Variants in METTL17 observed in about 807,000 individuals in gnomAD.
METTL17 encodes ribosome assembly protein METTL17, mitochondrial.
A neutral mutation model predicts 59.4 loss-of-function variants in METTL17; 49 were observed. The observed-to-expected ratio is 0.82, with a 90% CI of 0.66 to 1.05. The LOEUF is 1.05. Ranked by LOEUF, METTL17 falls within the 50% of genes least tolerant of loss-of-function variation. METTL17 has a pLI of 0.00. For missense variants in METTL17, 555 were observed against 578.4 expected (o/e 0.96, Z 0.41); for synonymous variants, 208 against 209.2 (o/e 0.99, Z 0.05).
chr14:20,993,767 C>G (rs1017643950), intron 6 of METTL17: 30 of 387,188 alleles, frequency 7.7e-5, no homozygotes, highest in Middle Eastern at 7.3e-4. Flanking sequence ...GCCACTGTGC[C>G]CAGCTGAGTC....
chr14:20,996,878 C>T lies in METTL17; in HGVS notation c.1359C>T (p.Pro453=), dbSNP rs768143495. The T allele has an allele frequency of 2.5e-6, 4 of 1,606,664 alleles. No individual in the cohort carries two copies. In the African/African-American group the frequency reaches 5.3e-5, roughly 21 times the overall value. ...TTCCTCCATCTACGGCTCAGGATCC[C>T]TCTGAGAGTTGATGAGGATGTGTAA... ...SAFPPSTAQD[P]SES The change falls in exon 14 of 14, where the codon CCC becomes CCT. Residue 453 remains proline, a synonymous_variant. Transcript: ENST00000339374.
chr14:20,992,260 A>C (rs1303180362), intron 4 of METTL17, 55 bp downstream of exon 4: 1 of 1,084,716 alleles, frequency 9.2e-7, no homozygotes, highest in Non-Finnish European at 1.4e-6. Flanking sequence ...TTAGAAAGAG[A>C]GTTGGGGGAG....
chr14:20,996,297 G>A lies in METTL17; in HGVS notation c.1080+5G>A. 1 of 1,612,776 alleles carries A rather than the reference G, an allele frequency of 6.2e-7. No individual in the cohort carries two copies. The highest frequency in any genetic ancestry group is 2.2e-5 in the East Asian group (1 of 44,870). ...CATCCCATCCCCTTCAGCTGGGTAGGTACCTGGGGATATTGCAGCAGGAAG... is the reference window on the plus strand; with the variant it reads ...CATCCCATCCCCTTCAGCTGGGTAGATACCTGGGGATATTGCAGCAGGAAG... On this transcript the variant is annotated splice_donor_5th_base_variant and intron_variant, in intron 12 of 13. Transcript: ENST00000339374.
chr14:20,990,116 A>G (rs758004929), intron 1 of METTL17, 39 bp downstream of exon 1: 2 of 1,612,134 alleles, frequency 1.2e-6, no homozygotes, highest in Admixed American at 3.3e-5. Flanking sequence ...GAGACTCTGG[A>G]TCTGCAGAGA....
At position 20,990,279 on chromosome 14, in the gene METTL17, G is replaced by T. The variant is rs371540270; in HGVS notation, c.125G>T (p.Gly42Val). ...GTGACCCAGGTAGATAACAAGTCCGGTTTCCTGCAGAAGAGGCCTCATCGC... is the reference window on the plus strand; with the variant it reads ...GTGACCCAGGTAGATAACAAGTCCGTTTTCCTGCAGAAGAGGCCTCATCGC... ...PGVTQVDNKSGFLQKRPHRQH... is the reference protein window; with the variant it reads ...PGVTQVDNKSVFLQKRPHRQH... Residue 42 changes from glycine to valine, a missense_variant, in exon 2 of 14, where the codon GGT becomes GTT. Coordinates refer to ENST00000339374, the MANE Select transcript of METTL17 (RefSeq NM_022734.3). 87 of 1,614,128 alleles carry T rather than the reference G, an allele frequency of 5.4e-5. No individual in the cohort carries two copies. The South Asian group carries it at 7.0e-4, about 13-fold the overall frequency.
In METTL17 at chr14:20,996,772, T is replaced by G. The variant is rs1314308263; in HGVS notation, c.1266-13T>G. ...CAGGAAGCTGCAGCCCACGCCAGCA[T>G]CTGTTTCCACAGGGATTTGTATCGT... On this transcript the variant is annotated splice_polypyrimidine_tract_variant and intron_variant, in intron 13 of 13. Transcript: ENST00000339374. The G allele has an allele frequency of 6.2e-7, 1 of 1,614,226 alleles. No individual in the cohort carries two copies. The highest frequency in any genetic ancestry group is 8.5e-7 in the Non-Finnish European group (1 of 1,180,042).
Position 20,990,046 on chromosome 14 carries a change from G to A in METTL17, c.44G>A (p.Cys15Tyr). 2 of 1,613,260 alleles carry A rather than the reference G, an allele frequency of 1.2e-6. No homozygotes were observed. Among genetic ancestry groups the A allele is most frequent in the South Asian group, 1.1e-5 (1 of 91,052 alleles). The change falls in exon 1 of 14, where the codon TGC becomes TAC. Residue 15 changes from cysteine (C) to tyrosine (Y), a missense_variant. Coordinates refer to ENST00000339374, the MANE Select transcript of METTL17 (RefSeq NM_022734.3). ...LKCLLTLGRW[C>Y]PGLGVAPQAR... ...TGTCTACTGACATTAGGAAGATGGT[G>A]CCCCGGCCTTGGAGTGGCTCCCCAG... is the stretch of plus-strand genomic sequence containing the variant.
At chr14:20,994,754 G>T (rs758654835) in intron 8 of METTL17, 40 bp from the exon 9 acceptor site, 9 of 1,556,076 alleles carry the variant, frequency 5.8e-6, no homozygotes, top group South Asian at 3.3e-5. Context: ...TTGGGATGTA[G>T]AGATGTTGAG....
intron 6 of METTL17, 156 bp from the exon 7 acceptor site, chr14:20,993,813 G>T: frequency 2.2e-6 from 1 of 462,136 alleles, no homozygotes; most frequent in South Asian, 3.9e-5. Context: ...AATAAAACAA[G>T]AAAATAACAC....
At chr14:20,994,666 C>CT in intron 8 of METTL17, 53 bp downstream of exon 8, 1 of 1,583,268 alleles carries the variant, frequency 6.3e-7, no homozygotes. Context: ...AGATGGAAAA[C>CT]TATGGCTTGA....
rs753020236 is a variant in METTL17 at position 20,994,549 on chromosome 14, CAG to C, written c.706_707del (p.Glu236IlefsTer24). 6.2e-7 allele frequency: 1 copy of C among 1,614,098 alleles called. No individual in the cohort carries two copies. Among genetic ancestry groups the C allele is most frequent in the South Asian group, 1.1e-5 (1 of 91,080 alleles). Reference sequence around the variant, plus strand: ...CCTCTTCTTTTCTCCACAGGTGGTTCAGAATCTGGGGAGCCTTATATTCCAGG... The same window carrying C: ...CCTCTTCTTTTCTCCACAGGTGGTTCAATCTGGGGAGCCTTATATTCCAGG... On this transcript the variant is annotated frameshift_variant, in exon 8 of 14. Transcript: ENST00000339374. LOFTEE classifies it high-confidence loss of function.
Position 20,989,998 on chromosome 14 carries a change from G to A in METTL17, c.-5G>A. ...TATTTCCGTTTCCGGTTCGCCTCCG[G>A]AGCCATGGCGGCGGCACTGAAGTGT... On this transcript the variant is annotated 5_prime_UTR_variant, in exon 1 of 14. Coordinates refer to ENST00000339374, the MANE Select transcript of METTL17 (RefSeq NM_022734.3). The A allele has an allele frequency of 3.1e-6, 5 of 1,587,870 alleles. No homozygotes were observed. The highest frequency in any genetic ancestry group is 3.4e-6 in the Non-Finnish European group (4 of 1,164,362).
At chr14:20,990,762 A>C in intron 3 of METTL17, 164 bp downstream of exon 3, 5 of 828,948 alleles carry the variant, frequency 6.0e-6, no homozygotes, top group Non-Finnish European at 9.3e-6. Context: ...AAGGTAGATT[A>C]TTTTAGAGAT....
chr14:20,996,541 G>T lies in METTL17; in HGVS notation c.1095G>T (p.Lys365Asn). 1 of 1,610,078 alleles carries T rather than the reference G, an allele frequency of 6.2e-7. No homozygotes were observed. The highest frequency in any genetic ancestry group is 8.5e-7 in the Non-Finnish European group (1 of 1,176,758). The stretch of plus-strand genomic sequence containing the variant: ...CCTTATCTTAGAACAAGAAACCAAA[G>T]GAAGAAAAGTTCTCTATGGTGATCC... ...PIPFSWNKKP[K>N]EEKFSMVILA... Residue 365 changes from lysine (K) to asparagine (N), a missense_variant, in exon 13 of 14, where the codon AAG (lysine) becomes AAT (asparagine). Coordinates refer to ENST00000339374, the MANE Select transcript of METTL17 (RefSeq NM_022734.3).
intron 1 of METTL17, 61 bp downstream of exon 1, chr14:20,990,138 AGAG>A (rs1879947739): frequency 6.2e-7 from 1 of 1,609,702 alleles, no homozygotes; most frequent in Non-Finnish European, 8.5e-7. Flanking sequence ...ATCTCCGCGC[AGAG>A]GAGGAGCGCT....
chr14:20,990,166 C>T, intron 1 of METTL17, 64 bp from the exon 2 acceptor site: 1 of 1,428,044 alleles, frequency 7.0e-7, no homozygotes, highest in Non-Finnish European at 9.5e-7. Flanking sequence ...GCAGCCCCCG[C>T]CCTAGCGATT....
intron 9 of METTL17, 96 bp downstream of exon 9, chr14:20,994,997 C>A: frequency 1.7e-6 from 2 of 1,207,564 alleles, no homozygotes; most frequent in South Asian, 1.4e-5. Flanking sequence ...CACCATTTTT[C>A]TCCTTCATGG....
In METTL17 at chr14:20,996,305, G is replaced by A. The variant is rs1364381302; in HGVS notation, c.1080+13G>A. The A allele has an allele frequency of 5.0e-6, 8 of 1,610,122 alleles. No homozygotes were observed. The South Asian group carries it at 7.7e-5, about 16-fold the overall frequency. On this transcript the variant is annotated intron_variant, in intron 12 of 13. Coordinates refer to ENST00000339374, the MANE Select transcript of METTL17 (RefSeq NM_022734.3). ...CCCCTTCAGCTGGGTAGGTACCTGG[G>A]GATATTGCAGCAGGAAGCAAACATC...
intron 6 of METTL17, 59 bp downstream of exon 6, chr14:20,993,250 C>T: frequency 7.3e-7 from 1 of 1,372,036 alleles, no homozygotes; most frequent in Admixed American, 1.7e-5. Flanking sequence ...GCCATACTTA[C>T]ACCACTCCAA....
Sources: allele counts gnomAD v4.1 joint callset, GRCh38; gene constraint gnomAD v4.1.1; transcripts MANE v1.5; gene names NCBI Gene and HGNC (gene_info 2026-07-23, HGNC 2026-07-21).